LGALS13: variants seen among roughly 807,000 people sequenced by gnomAD.
The protein encoded by LGALS13 is galactoside-binding soluble lectin 13.
LGALS13 carries 11 observed loss-of-function variants against 13.2 expected under a neutral mutation model. The ratio of observed to expected loss-of-function variants is 0.83; its 90% confidence interval spans 0.52 to 1.38. LGALS13 has a LOEUF of 1.38. Ranked by LOEUF, LGALS13 falls within the 40% of genes most tolerant of loss-of-function variation. The pLI, the probability that LGALS13 is intolerant of heterozygous loss-of-function variation, is 0.00. For missense variants in LGALS13, 183 were observed against 174.3 expected (o/e 1.05, Z -0.28); for synonymous variants, 71 against 63.7 (o/e 1.11, Z -0.54).
chr19:39,604,753 G>A (rs1972656921), intron 2 of LGALS13, 75 bp downstream of exon 2: 2 of 1,559,536 alleles, frequency 1.3e-6, no homozygotes, highest in Admixed American at 3.3e-5. Context: ...CTTACATGTG[G>A]GTGATGTGGA....
Position 39,605,420 on chromosome 19 carries a change from C to A in LGALS13, c.303+32C>A, listed in dbSNP as rs752185951. The A allele has an allele frequency of 4.4e-6, 7 of 1,573,084 alleles. No homozygotes were observed. The South Asian group carries it at 6.7e-5, about 15-fold the overall frequency. On this transcript the variant is annotated intron_variant, in intron 3 of 3. Transcript: ENST00000221797. ...ATCCCAGGAGCTCCCAGCACCCAGG[C>A]TCTGTGGGCTCCCAAAACAGGAGGC...
chr19:39,605,438 C>G (rs1290158772), intron 3 of LGALS13, 50 bp downstream of exon 3: 2 of 1,458,940 alleles, frequency 1.4e-6, no homozygotes, highest in Non-Finnish European at 1.9e-6. Context: ...GCTCCCAAAA[C>G]AGGAGGCAGC....
chr19:39,604,070 C>T (rs1205679174), intron 1 of LGALS13: 4 of 714,714 alleles, frequency 5.6e-6, no homozygotes, highest in Non-Finnish European at 6.9e-6. Context: ...TCATTTCCCT[C>T]TCCCTTTCAA....
At chr19:39,606,559 A>G (rs1456635385) in intron 3 of LGALS13, among the ~76,000 whole-genome samples, 2 of 152,238 alleles carry the variant, frequency 1.3e-5, no homozygotes, top group Non-Finnish European at 2.9e-5. Context: ...TAATACTAAT[A>G]AGGTTACTTT....
Position 39,602,597 on chromosome 19 carries a change from G to C in LGALS13, c.15+14G>C, listed in dbSNP as rs1351898673. The C allele has an allele frequency of 6.2e-7, 1 of 1,613,766 alleles. No homozygotes were observed. The highest frequency in any genetic ancestry group is 1.3e-5 in the African/African-American group (1 of 74,928). ...TCTTCTTTACCCGTGAGTTGAAAAG[G>C]CACAGCCTTCAAAAATTTCGTGTCA... On this transcript the variant is annotated intron_variant, in intron 1 of 3. Coordinates refer to ENST00000221797, the MANE Select transcript of LGALS13 (RefSeq NM_013268.3).
intron 2 of LGALS13, among the ~76,000 whole-genome samples, 197 bp downstream of exon 2, chr19:39,604,875 G>A (rs1204189568): frequency 1.3e-5 from 2 of 152,248 alleles, no homozygotes; most frequent in African/African-American, 4.8e-5. Flanking sequence ...GGGGCCTACA[G>A]GAGGAGAACA....
chr19:39,605,251 G>A lies in LGALS13; in HGVS notation c.166G>A (p.Val56Met). The A allele has an allele frequency of 6.2e-7, 1 of 1,614,228 alleles. No individual in the cohort carries two copies. Among genetic ancestry groups the A allele is most frequent in the Non-Finnish European group, 8.5e-7 (1 of 1,180,034 alleles). The change falls in exon 3 of 4, where the codon GTG becomes ATG. Residue 56 changes from valine (V) to methionine (M), a missense_variant. Transcript: ENST00000221797. ...EDSDIAFRFR[V>M]HFGNHVVMNR... Reference sequence around the variant, plus strand: ...TTCAGATATTGCCTTCCGTTTCCGAGTGCACTTTGGCAATCATGTGGTCAT... The same window carrying A: ...TTCAGATATTGCCTTCCGTTTCCGAATGCACTTTGGCAATCATGTGGTCAT...
chr19:39,604,252 A>G (rs1338918235), intron 1 of LGALS13, among the ~76,000 whole-genome samples: 1 of 152,184 alleles, frequency 6.6e-6, no homozygotes, highest in African/African-American at 2.4e-5. Context: ...ACACTTTTAC[A>G]TGTATTAACT....
In LGALS13 at chr19:39,607,261, T is replaced by A. The variant is rs1972705520; in HGVS notation, c.342T>A (p.His114Gln). ...VNGIRIYGFV[H>Q]RIPPSFVKMV... ...GCATACGCATTTACGGCTTTGTCCA[T>A]CGAATCCCGCCATCATTTGTGAAGA... is the stretch of plus-strand genomic sequence containing the variant. Residue 114 changes from histidine (H) to glutamine (Q), a missense_variant, in exon 4 of 4, where the codon CAT (histidine) becomes CAA (glutamine). Transcript: ENST00000221797. 6.2e-7 allele frequency: 1 copy of A among 1,614,042 alleles called. No individual in the cohort carries two copies. The highest frequency in any genetic ancestry group is 1.7e-5 in the Admixed American group (1 of 60,010).
chr19:39,605,226 T>C lies in LGALS13; in HGVS notation c.141T>C (p.Asp47=), dbSNP rs1972666113. The change falls in exon 3 of 4, where the codon GAT becomes GAC. Residue 47 remains aspartate (D), a synonymous_variant. Coordinates refer to ENST00000221797, the MANE Select transcript of LGALS13 (RefSeq NM_013268.3). ...QVDFYTDMDE[D]SDIAFRFRVH... is the part of the protein sequence containing the mutation. ...ATTTCTACACTGACATGGATGAGGA[T>C]TCAGATATTGCCTTCCGTTTCCGAG... 1.2e-6 allele frequency: 2 copies of C among 1,614,242 alleles called. No individual in the cohort carries two copies. The highest frequency in any genetic ancestry group is 8.5e-7 in the Non-Finnish European group (1 of 1,180,040).
At position 39,604,690 on chromosome 19, in the gene LGALS13, A is replaced by T. The variant is rs1005874705; in HGVS notation, c.92+12A>T. ...ATCCACTCTTTTATGTGAGTACTCC[A>T]TGGTCCAATGGAGGGGTTGGAGAAG... On this transcript the variant is annotated intron_variant, in intron 2 of 3. Coordinates refer to ENST00000221797, the MANE Select transcript of LGALS13 (RefSeq NM_013268.3). 6 of 1,613,702 alleles carry T rather than the reference A, an allele frequency of 3.7e-6. No homozygotes were observed. Among genetic ancestry groups the T allele is most frequent in the Non-Finnish European group, 5.1e-6 (6 of 1,179,604 alleles).
In LGALS13 at chr19:39,605,173, C is replaced by T. The variant is rs1348833847; in HGVS notation, c.93-5C>T. On this transcript the variant is annotated splice_polypyrimidine_tract_variant and splice_region_variant and intron_variant, in intron 2 of 3. Transcript: ENST00000221797. ...TGCCCAACATTCTGCGTGCTTCACC[C>T]TCAGCAATGACCCACAGCTGCAGGT... 1.9e-6 allele frequency: 3 copies of T among 1,613,014 alleles called. No individual in the cohort carries two copies. Among genetic ancestry groups the T allele is most frequent in the East Asian group, 4.5e-5 (2 of 44,870 alleles).
Position 39,605,285 on chromosome 19 carries a change from G to A in LGALS13, c.200G>A (p.Arg67His), listed in dbSNP as rs150572663. 47 of 1,614,060 alleles carry A rather than the reference G, an allele frequency of 2.9e-5. 1 individual carries two copies. Among genetic ancestry groups the A allele is most frequent in the East Asian group, 4.5e-5 (2 of 44,900 alleles). ...HFGNHVVMNR[R>H]EFGIWMLEET... is the part of the protein sequence containing the mutation. ...GGCAATCATGTGGTCATGAACAGGC[G>A]TGAGTTTGGGATATGGATGTTGGAG... Residue 67 changes from arginine (R) to histidine (H), a missense_variant, in exon 3 of 4, where the codon CGT becomes CAT. Arg to His is a conservative substitution (Grantham distance 29). Transcript: ENST00000221797.
chr19:39,603,030 A>G (rs1335417102), intron 1 of LGALS13, among the ~76,000 whole-genome samples: 3 of 151,962 alleles, frequency 2.0e-5, no homozygotes, highest in African/African-American at 7.3e-5. Flanking sequence ...GCTCTGTGTG[A>G]CTGTGAGTGT....
At chr19:39,603,140 C>T (rs1176425144) in intron 1 of LGALS13, among the ~76,000 whole-genome samples, 1 of 152,148 alleles carries the variant, frequency 6.6e-6, no homozygotes, top group African/African-American at 2.4e-5. Context: ...TGATGTGAAT[C>T]CCATGTGGCT....
intron 1 of LGALS13, 53 bp from the exon 2 acceptor site, chr19:39,604,549 G>C (rs1972651005): frequency 1.3e-6 from 2 of 1,591,860 alleles, no homozygotes; most frequent in Non-Finnish European, 1.7e-6. Context: ...TGTTACAGGA[G>C]GGGAGACTGC....
chr19:39,606,666 A>C (rs931233274), intron 3 of LGALS13, among the ~76,000 whole-genome samples: 6 of 152,216 alleles, frequency 3.9e-5, no homozygotes, highest in African/African-American at 1.4e-4. Flanking sequence ...CAAGCGAGGG[A>C]TCTTTTCCTA....
Position 39,607,472 on chromosome 19 carries a change from T to C in LGALS13, c.*133T>C. 1 of 700,282 alleles carries C rather than the reference T, an allele frequency of 1.4e-6. No individual in the cohort carries two copies. The highest frequency in any genetic ancestry group is 2.6e-6 in the Non-Finnish European group (1 of 389,544). 43.4% of individuals were successfully genotyped at this position (700,282 alleles called of 1,614,324 possible). ...TTTGTCATTAAAACAGCACGAAAAC[T>C]CACATGATTTGGTTCTTGCTTTCAG... On this transcript the variant is annotated 3_prime_UTR_variant, in exon 4 of 4. Transcript: ENST00000221797.
At chr19:39,604,935 G>T (rs1236526759) in intron 2 of LGALS13, among the ~76,000 whole-genome samples, 1 of 152,200 alleles carries the variant, frequency 6.6e-6, no homozygotes, top group Non-Finnish European at 1.5e-5. Context: ...AGAATTTTCG[G>T]GAATGAACAA....
Sources: gnomAD v4.1 joint callset for allele counts (sites outside exome capture counted in the v4.1 genomes callset) on GRCh38, gnomAD v4.1.1 for gene constraint, MANE v1.5 for transcripts, NCBI Gene and HGNC (gene_info 2026-07-23, HGNC 2026-07-21) for gene names.